Variants in ZDHHC3 observed in about 807,000 individuals in gnomAD.
ZDHHC3 encodes the protein palmitoyltransferase ZDHHC3.
A neutral mutation model predicts 30.6 loss-of-function variants in ZDHHC3; 9 were observed. That is an observed-to-expected ratio of 0.29 (90% CI 0.18 to 0.51). The LOEUF (loss-of-function observed/expected upper bound fraction) is 0.51. Ranked by LOEUF, ZDHHC3 falls within the 20% of genes least tolerant of loss-of-function variation. ZDHHC3 has a pLI of 0.97. For missense variants in ZDHHC3, 246 were observed against 384.2 expected, an observed-to-expected ratio of 0.64 and a Z score of 3.01; for synonymous variants, 136 against 140.2, an observed-to-expected ratio of 0.97 and a Z score of 0.21.
At chr3:44,947,019 G>A (rs1345756814) in intron 2 of ZDHHC3, among the ~76,000 whole-genome samples, 2 of 152,218 alleles carry the variant, frequency 1.3e-5, no homozygotes, top group Non-Finnish European at 2.9e-5. Flanking sequence ...TGATGGTCCA[G>A]TAAGGAAAAA....
At chr3:44,975,772 T>TCACACACACACACA (rs1185484134) in intron 1 of ZDHHC3, among the ~76,000 whole-genome samples, 161 bp downstream of exon 1, 8 of 116,704 alleles carry the variant, frequency 6.9e-5, no homozygotes, top group African/African-American at 6.7e-5. Flanking sequence ...TCTCTCTCTC[T>TCACACACACACACA]CACACACACA....
chr3:44,951,742 T>C (rs1703470693), intron 2 of ZDHHC3, among the ~76,000 whole-genome samples: 1 of 152,184 alleles, frequency 6.6e-6, no homozygotes, highest in Non-Finnish European at 1.5e-5. Flanking sequence ...TTACTGTTCA[T>C]GCACCTGTCC....
chr3:44,967,783 T>C (rs1004822439), intron 1 of ZDHHC3, among the ~76,000 whole-genome samples: 1 of 152,232 alleles, frequency 6.6e-6, no homozygotes, highest in Admixed American at 6.5e-5. Context: ...TGGTAGATTT[T>C]AGTCAAATTT....
intron 3 of ZDHHC3, among the ~76,000 whole-genome samples, chr3:44,937,304 T>C (rs902438867): frequency 6.6e-6 from 1 of 151,532 alleles, no homozygotes; most frequent in African/African-American, 2.4e-5. Context: ...ATTAGCCGGG[T>C]GTGGTAGTGT....
chr3:44,945,852 C>G (rs185076180), intron 2 of ZDHHC3, among the ~76,000 whole-genome samples: 2 of 152,150 alleles, frequency 1.3e-5, no homozygotes, highest in South Asian at 4.1e-4. Flanking sequence ...CCACCACACC[C>G]GGCCAATTCT....
chr3:44,973,982 T>C (rs936773826), intron 1 of ZDHHC3, among the ~76,000 whole-genome samples: 5 of 152,240 alleles, frequency 3.3e-5, no homozygotes, highest in Non-Finnish European at 5.9e-5. Flanking sequence ...TTATCATATG[T>C]TCTTTGAATT....
chr3:44,961,438 T>C (rs1704473618), intron 1 of ZDHHC3, among the ~76,000 whole-genome samples: 1 of 152,156 alleles, frequency 6.6e-6, no homozygotes, highest in African/African-American at 2.4e-5. Context: ...AAAGTCTTGG[T>C]TCCTGGTGGT....
At position 44,920,852 on chromosome 3, in the gene ZDHHC3, C is replaced by T. The variant is rs544043678; in HGVS notation, c.*5837G>A. On this transcript the variant is annotated 3_prime_UTR_variant, in exon 7 of 7. Transcript: ENST00000424952. ...TACCAGAGGTCTTCAGCAGTAAAGTCGACAAACTTTCAGGGAGTGTTGACT... is the reference window on the plus strand; with the variant it reads ...TACCAGAGGTCTTCAGCAGTAAAGTTGACAAACTTTCAGGGAGTGTTGACT... 1.7e-5 allele frequency: 17 copies of T among 985,386 alleles called. No individual in the cohort carries two copies. Among genetic ancestry groups the T allele is most frequent in the East Asian group, 1.1e-4 (1 of 8,820 alleles). 61.0% of individuals were successfully genotyped at this position (985,386 alleles called of 1,614,324 possible). A position where few individuals can be genotyped will look rare whatever the true frequency, so the allele number is the denominator to read the frequency against.
chr3:44,942,055 T>C (rs764048585), intron 3 of ZDHHC3, among the ~76,000 whole-genome samples: 10 of 152,214 alleles, frequency 6.6e-5, no homozygotes, highest in East Asian at 1.9e-4. Context: ...CCACACACCA[T>C]AGGGCTGGAA....
At chr3:44,949,566 AAAAC>A (rs1461655172) in intron 2 of ZDHHC3, among the ~76,000 whole-genome samples, 1 of 152,208 alleles carries the variant, frequency 6.6e-6, no homozygotes, top group African/African-American at 2.4e-5. Flanking sequence ...AAGCAAAACA[AAAAC>A]AAAAACAAAA....
At chr3:44,969,305 CT>C (rs1167767192) in intron 1 of ZDHHC3, among the ~76,000 whole-genome samples, 2 of 152,152 alleles carry the variant, frequency 1.3e-5, no homozygotes, top group Non-Finnish European at 2.9e-5. Context: ...GGTGTCACCA[CT>C]GCCTCCATCA....
intron 5 of ZDHHC3, among the ~76,000 whole-genome samples, chr3:44,931,543 A>G (rs879452869): frequency 2.0e-5 from 3 of 152,156 alleles, no homozygotes; most frequent in Non-Finnish European, 4.4e-5. Flanking sequence ...ATGGCCCAAC[A>G]GCTCCACCAG....
intron 5 of ZDHHC3, among the ~76,000 whole-genome samples, 177 bp from the exon 6 acceptor site, chr3:44,929,613 C>T (rs900471834): frequency 5.3e-5 from 8 of 152,192 alleles, no homozygotes. Flanking sequence ...CACTGGCTAT[C>T]TCTCAATCCC....
chr3:44,951,677 T>G (rs1703465967), intron 2 of ZDHHC3, among the ~76,000 whole-genome samples: 1 of 152,112 alleles, frequency 6.6e-6, no homozygotes, highest in Non-Finnish European at 1.5e-5. Flanking sequence ...CCCTGCCCTT[T>G]CATAGCTAAG....
At chr3:44,939,273 T>A (rs1459567469) in intron 3 of ZDHHC3, among the ~76,000 whole-genome samples, 2 of 152,260 alleles carry the variant, frequency 1.3e-5, no homozygotes, top group African/African-American at 4.8e-5. Flanking sequence ...CTGTTACCAC[T>A]TTTAAAAATA....
chr3:44,925,035 A>G lies in ZDHHC3; in HGVS notation c.*1654T>C, dbSNP rs1700872295. 3.0e-6 allele frequency: 3 copies of G among 985,668 alleles called. No homozygotes were observed. Among genetic ancestry groups the G allele is most frequent in the East Asian group, 1.1e-4 (1 of 8,826 alleles). 61.1% of individuals were successfully genotyped at this position (985,668 alleles called of 1,614,324 possible). On this transcript the variant is annotated 3_prime_UTR_variant, in exon 7 of 7. Transcript: ENST00000424952. ...GAGAGGGACCATAAATGCATTTTAA[A>G]ACAAAAAAAATAAAGTATCCTCATT...
intron 1 of ZDHHC3, among the ~76,000 whole-genome samples, chr3:44,970,369 A>G (rs1230083713): frequency 6.6e-6 from 1 of 152,236 alleles, no homozygotes; most frequent in Non-Finnish European, 1.5e-5. Context: ...GCTAAAGGGA[A>G]TGAAGACTGA....
rs1053364213 is a variant in ZDHHC3, at chr3:44,922,768, C to T, written c.*3921G>A. 10 of 984,704 alleles carry T rather than the reference C, an allele frequency of 1.0e-5. No individual in the cohort carries two copies. Among genetic ancestry groups the T allele is most frequent in the Middle Eastern group, 5.2e-4 (1 of 1,932 alleles). 61.0% of individuals were successfully genotyped at this position (984,704 alleles called of 1,614,324 possible). On this transcript the variant is annotated 3_prime_UTR_variant, in exon 7 of 7. Transcript: ENST00000424952. ...TGGTTCGGTAGCCTGGGGTGGGGACCGAGAATGTGCATTTCTAACAAGTTC... is the reference window on the plus strand; with the variant it reads ...TGGTTCGGTAGCCTGGGGTGGGGACTGAGAATGTGCATTTCTAACAAGTTC...
At chr3:44,945,531 T>C (rs568445959) in intron 2 of ZDHHC3, among the ~76,000 whole-genome samples, 9 of 152,216 alleles carry the variant, frequency 5.9e-5, no homozygotes, top group African/African-American at 1.7e-4. Flanking sequence ...TTTCTTTTCT[T>C]TTCTTTGTTT....
Sources: allele counts gnomAD v4.1 joint callset (sites outside exome capture counted in the v4.1 genomes callset), GRCh38; gene constraint gnomAD v4.1.1; transcripts MANE v1.5; gene names NCBI Gene and HGNC (gene_info 2026-07-23, HGNC 2026-07-21).